SGSH: variants seen among roughly 807,000 people sequenced by gnomAD.
The protein encoded by SGSH is N-sulfoglucosamine sulfohydrolase.
In SGSH, 48 loss-of-function variants were observed where a neutral mutation model predicts 51.0. That is an observed-to-expected ratio of 0.94 (90% CI 0.75 to 1.20). SGSH has a LOEUF of 1.20. Among genes scored for constraint, SGSH ranks in the 50% most tolerant of loss-of-function variants. The pLI, the probability that SGSH is intolerant of heterozygous loss-of-function variation, is 0.00. For synonymous variants in SGSH, 321 were observed against 313.4 expected (o/e 1.02, Z -0.26); for missense variants, 662 against 717.8 (o/e 0.92, Z 0.89).
At chr17:80,205,083 A>G, downstream of SGSH, 1 of 1,612,732 alleles carries the variant, frequency 6.2e-7, no homozygotes. Context: ...CTGGTGCCCT[A>G]TACCCTGGTG....
chr17:80,211,004 C>T lies in SGSH; in HGVS notation c.957G>A (p.Thr319=), dbSNP rs780403434. 1.3e-5 allele frequency: 21 copies of T among 1,598,314 alleles called. No individual in the cohort carries two copies. Among genetic ancestry groups the T allele is most frequent in the Middle Eastern group, 1.6e-4 (1 of 6,076 alleles). The change falls in exon 8 of 8, where the codon ACG becomes ACA. Residue 319 remains threonine (T), a synonymous_variant. Coordinates refer to ENST00000326317, the MANE Select transcript of SGSH (RefSeq NM_000199.5). ...SEAYVSLLDL[T]PTILDWFSIP... is the part of the protein sequence containing the mutation. ...TCGAGAACCAATCCAAGATGGTGGG[C>T]GTGAGGTCTGGAAGGGACGCGGCAT...
chr17:80,219,881 G>C, intron 1 of SGSH: 1 of 252,588 alleles, frequency 4.0e-6, no homozygotes, highest in Non-Finnish European at 7.6e-6. Context: ...CTGGGGACCG[G>C]AGCACCAGCC....
downstream of SGSH, chr17:80,205,044 C>G (rs748305221): frequency 1.3e-6 from 2 of 1,596,558 alleles, no homozygotes; most frequent in Non-Finnish European, 1.7e-6. Context: ...GGCTCCAGCA[C>G]GTGCTTCTGG....
intron 2 of SGSH, among the ~76,000 whole-genome samples, chr17:80,215,370 G>A (rs764479368): frequency 1.3e-5 from 2 of 152,252 alleles, no homozygotes; most frequent in Non-Finnish European, 2.9e-5. Context: ...CCTGCAGGGC[G>A]TGCACCGACA....
At chr17:80,217,584 C>A (rs1265737857) in intron 1 of SGSH, among the ~76,000 whole-genome samples, 2 of 151,832 alleles carry the variant, frequency 1.3e-5, no homozygotes, top group Non-Finnish European at 2.9e-5. Context: ...GGCCTGATAC[C>A]CAGTGGGTAT....
rs751683275 is a variant in SGSH, at chr17:80,210,641, G to T, written c.1320C>A (p.Asp440Glu). The T allele has an allele frequency of 5.0e-6, 8 of 1,614,000 alleles. No individual in the cohort carries two copies. Among genetic ancestry groups the T allele is most frequent in the Non-Finnish European group, 5.1e-6 (6 of 1,180,040 alleles). Residue 440 changes from aspartate (D) to glutamate (E), a missense_variant, in exon 8 of 8, where the codon GAC becomes GAA. Transcript: ENST00000326317. ...YYYRARWELY[D>E]RSRDPHETQN... is the part of the protein sequence containing the mutation. ...GGGTCTCGTGGGGGTCCCGGCTCCG[G>T]TCGTAGAGCTCCCAGCGCGCCCGGT...
downstream of SGSH, chr17:80,204,862 C>T (rs2041196236): frequency 1.7e-6 from 1 of 590,284 alleles, no homozygotes; most frequent in Non-Finnish European, 2.9e-6. Flanking sequence ...AGCCGCTCAG[C>T]CAGGGGCTAT....
At chr17:80,215,240 G>C in intron 2 of SGSH, 102 bp from the exon 3 acceptor site, 1 of 838,878 alleles carries the variant, frequency 1.2e-6, no homozygotes, top group East Asian at 2.6e-5. Context: ...GCCTTCTCGG[G>C]GCCCTGATTT....
chr17:80,214,028 T>C (rs1385380050), intron 5 of SGSH, 143 bp from the exon 6 acceptor site: 2 of 1,327,720 alleles, frequency 1.5e-6, no homozygotes. Context: ...GTTCTCTCTG[T>C]GGCCCCGAGG....
downstream of SGSH, chr17:80,207,232 G>T: frequency 1.7e-6 from 1 of 590,732 alleles, no homozygotes. Context: ...TTTGGGACAA[G>T]GGCCCCGCTG....
At chr17:80,203,837 C>T (rs768250220), downstream of SGSH, 2 of 1,586,356 alleles carry the variant, frequency 1.3e-6, no homozygotes, top group East Asian at 4.5e-5. This position sits in a 1 kb window ranked among gnomAD's most constrained non-coding sequence, Gnocchi z 4.6. Context: ...AGCAGCAGCT[C>T]ATAGCCCTCA....
At chr17:80,201,765 C>T (rs2040988522), downstream of SGSH, 1 of 1,613,978 alleles carries the variant, frequency 6.2e-7, no homozygotes, top group Non-Finnish European at 8.5e-7. The surrounding 1 kb of genome is among the most constrained non-coding windows in gnomAD (Gnocchi z 5.0). Context: ...AGCCTCAGAG[C>T]CCTTGTTCAA....
rs1598772270 is a variant in SGSH, at chr17:80,220,272, G to A, written c.42C>T (p.Val14=). Residue 14 remains valine (V), a synonymous_variant, in exon 1 of 8, where the codon GTC becomes GTT. Coordinates refer to ENST00000326317, the MANE Select transcript of SGSH (RefSeq NM_000199.5). ...PVPACCALLL[V]LGLCRARPRN... is the part of the protein sequence containing the mutation. The stretch of plus-strand genomic sequence containing the variant: ...GGGGACGCGCCCGGCAGAGCCCCAG[G>A]ACTAGCAGCAGCGCGCAGCAGGCGG... The A allele has an allele frequency of 6.6e-7, 1 of 1,521,758 alleles. No individual in the cohort carries two copies. Among genetic ancestry groups the A allele is most frequent in the African/African-American group, 1.4e-5 (1 of 71,302 alleles). 94.3% of individuals were successfully genotyped at this position (1,521,758 alleles called of 1,614,324 possible).
downstream of SGSH, among the ~76,000 whole-genome samples, chr17:80,206,296 T>TCTAAAAAAAATTTTTCAA (rs1555618131): frequency 4.4e-3 from 664 of 151,380 alleles, 2 homozygotes; most frequent in African/African-American, 0.015. Context: ...GAGACCCGTC[T>TCTAAAAAAAATTTTTCAA]CTAAAAAAAA....
At chr17:80,219,682 C>T (rs1246714860) in intron 1 of SGSH, 2 of 152,508 alleles carry the variant, frequency 1.3e-5, no homozygotes, top group Non-Finnish European at 2.9e-5. Context: ...ATTACCTAAA[C>T]CGGAAGTCTT....
chr17:80,204,559 G>A, downstream of SGSH: 2 of 467,504 alleles, frequency 4.3e-6, no homozygotes, highest in East Asian at 7.1e-5. Flanking sequence ...GGGAGGCAGA[G>A]GTGGCAGTGA....
chr17:80,206,195 G>T (rs919834020), downstream of SGSH, among the ~76,000 whole-genome samples: 49 of 152,206 alleles, frequency 3.2e-4, no homozygotes, highest in Non-Finnish European at 5.9e-4. Context: ...GCTGGGCCTG[G>T]GGCTCACGCC....
downstream of SGSH, chr17:80,208,129 C>T: frequency 6.6e-7 from 1 of 1,516,956 alleles, no homozygotes; most frequent in Non-Finnish European, 8.9e-7. Context: ...CCAACTCTGG[C>T]CTGTGCAGGA....
Position 80,209,491 on chromosome 17 carries a change from G to A in SGSH, c.*961C>T. On this transcript the variant is annotated 3_prime_UTR_variant, in exon 8 of 8. Transcript: ENST00000326317. Reference sequence around the variant, plus strand: ...CTGCTCCCGAGGTGGGTGGAGGCAGGGCAGGAACGGCACATTCTCCCAGCA... The same window carrying A: ...CTGCTCCCGAGGTGGGTGGAGGCAGAGCAGGAACGGCACATTCTCCCAGCA... The A allele has an allele frequency of 1.0e-6, 1 of 985,446 alleles. No homozygotes were observed. Among genetic ancestry groups the A allele is most frequent in the Non-Finnish European group, 1.2e-6 (1 of 830,084 alleles). The allele number at this position is 985,446 out of a possible 1,614,324, so 61.0% of individuals were successfully genotyped here.
Sources: gnomAD v4.1 joint callset for allele counts (sites outside exome capture counted in the v4.1 genomes callset) on GRCh38, gnomAD v4.1.1 for gene constraint, Gnocchi (gnomAD v3.1) non-coding constraint, MANE v1.5 for transcripts, NCBI Gene and HGNC (gene_info 2026-07-23, HGNC 2026-07-21) for gene names.